The following DNAH2 variants were observed in gnomAD, a reference collection of about 807,000 sequenced individuals.
DNAH2 encodes axonemal beta dynein heavy chain 2.
DNAH2 carries 323 observed loss-of-function variants against 523.5 expected under a neutral mutation model. The ratio of observed to expected loss-of-function variants is 0.62; its 90% CI spans 0.56 to 0.68. DNAH2 has a LOEUF of 0.68. Ranked by LOEUF, DNAH2 falls within the 30% of genes least tolerant of loss-of-function variation. DNAH2 has a pLI of 0.00. For missense variants in DNAH2, 4,907 were observed against 5,701.5 expected (o/e 0.86, Z 4.49); for synonymous variants, 2,093 against 2,177.4 (o/e 0.96, Z 1.08).
In DNAH2 at chr17:7,786,262, A is replaced by G. The variant is rs750716777; in HGVS notation, c.6268A>G (p.Lys2090Glu). 75 of 1,613,942 alleles carry G rather than the reference A, an allele frequency of 4.6e-5. No individual in the cohort carries two copies. Residue 2090 changes from lysine (K) to glutamate (E), a missense_variant, in exon 40 of 86, where the codon AAG becomes GAG. Around this residue, in one of 3 missense-constraint regions of DNAH2, gnomAD observed 2,806 missense variants for 3,190.8 expected, o/e 0.88. Coordinates refer to ENST00000572933, the MANE Select transcript of DNAH2 (RefSeq NM_020877.5). The surrounding 1 kb of genome is among the most constrained non-coding windows in gnomAD (Gnocchi z 7.5). ...TMIVGCTGSG[K>E]TASWRILQAS... ...GATCGTGGGCTGCACGGGCAGCGGC[A>G]AGACTGCCTCATGGCGCATTCTACA...
Position 7,754,758 on chromosome 17 carries a change from G to C in DNAH2, c.1905-2333G>C. 1.0e-6 allele frequency: 1 copy of C among 989,862 alleles called. No homozygotes were observed. Among genetic ancestry groups the C allele is most frequent in the South Asian group, 1.3e-5 (1 of 77,430 alleles). The allele number at this position is 989,862 out of a possible 1,614,324, so 61.3% of individuals were successfully genotyped here. A position where few individuals can be genotyped will look rare whatever the true frequency, so the allele number is the denominator to read the frequency against. ...CAGGCTGTGCCGGCCCAAGGCCAAG[G>C]CCAAGGATCAAACCAAGGCCCAGGC... On this transcript the variant is annotated intron_variant, in intron 12 of 85. Coordinates refer to ENST00000572933, the MANE Select transcript of DNAH2 (RefSeq NM_020877.5). The surrounding 1 kb of genome is among the most constrained non-coding windows in gnomAD (Gnocchi z 4.6).
chr17:7,763,857 A>AGAAG lies in DNAH2; in HGVS notation c.3008_3011dup (p.Glu1005GlyfsTer27). ...TACACGGAAGTTGCTAATAACGTGC[A>AGAAG]GAAGGAGGAGACAGTCACCAACATC... On this transcript the variant is annotated frameshift_variant, in exon 19 of 86. Coordinates refer to ENST00000572933, the MANE Select transcript of DNAH2 (RefSeq NM_020877.5). LOFTEE classifies it high-confidence loss of function. 1.2e-6 allele frequency: 2 copies of AGAAG among 1,614,194 alleles called. No individual in the cohort carries two copies. The highest frequency in any genetic ancestry group is 3.3e-5 in the Admixed American group (2 of 60,014).
Position 7,723,268 on chromosome 17 carries a change from C to CTTTTTT in DNAH2, c.167-343_167-338dup, listed in dbSNP as rs58689789. Among the ~76,000 whole-genome samples, 65 of 59,908 alleles carry CTTTTTT rather than the reference C, an allele frequency of 1.1e-3. 6 individuals carry two copies. The highest frequency in any genetic ancestry group is 1.3e-3 in the Non-Finnish European group (46 of 36,366). The allele number at this position is 59,908 out of a possible 152,430, so 39.3% of individuals were successfully genotyped here. A position where few individuals can be genotyped will look rare whatever the true frequency, so the allele number is the denominator to read the frequency against. The stretch of plus-strand genomic sequence containing the variant: ...TACAGGTGTGAGCCACTGTACCCGG[C>CTTTTTT]TTTTTTTTTTTTTTTTTTTTTTGAG... On this transcript the variant is annotated intron_variant, in intron 2 of 85. Transcript: ENST00000572933.
intron 12 of DNAH2, among the ~76,000 whole-genome samples, chr17:7,747,843 C>G (rs907355560): frequency 6.6e-6 from 1 of 152,100 alleles, no homozygotes; most frequent in Non-Finnish European, 1.5e-5. Context: ...GGAAAGAACA[C>G]GATCACAGTG....
Position 7,805,231 on chromosome 17 carries a change from C to G in DNAH2, c.9301-21C>G, listed in dbSNP as rs201528392. ...TCCAGAAGGTCCTGTCTTACCCTCACTTTATCCCCTTTTCCCCCAGGCCCT... is the reference window on the plus strand; with the variant it reads ...TCCAGAAGGTCCTGTCTTACCCTCAGTTTATCCCCTTTTCCCCCAGGCCCT... On this transcript the variant is annotated intron_variant, in intron 60 of 85. Coordinates refer to ENST00000572933, the MANE Select transcript of DNAH2 (RefSeq NM_020877.5). 364 of 1,613,796 alleles carry G rather than the reference C, an allele frequency of 2.3e-4. 1 individual carries two copies. Among genetic ancestry groups the G allele is most frequent in the Non-Finnish European group, 1.2e-5 (14 of 1,179,772 alleles).
At chr17:7,816,536 C>G (rs1567746296) in intron 63 of DNAH2, 35 bp from the exon 64 acceptor site, 3 of 1,610,646 alleles carry the variant, frequency 1.9e-6, no homozygotes, top group South Asian at 1.1e-5. Context: ...GCTGCGAGCC[C>G]TGTGTTTGAT....
Position 7,757,155 on chromosome 17 carries a change from T to C in DNAH2, c.1969T>C (p.Tyr657His). The C allele has an allele frequency of 6.2e-7, 1 of 1,614,194 alleles. No homozygotes were observed. The change falls in exon 13 of 86, where the codon TAC (tyrosine) becomes CAC (histidine). Residue 657 changes from tyrosine (Y) to histidine (H), a missense_variant. By Grantham distance (83) the Tyr-to-His change is moderately conservative (BLOSUM62 2). Coordinates refer to ENST00000572933, the MANE Select transcript of DNAH2 (RefSeq NM_020877.5). ...GCGGCTGCTGTTTGAGACGCCCCAT[T>C]ACGTGGTGAACGTAGCTGAGCGAGC... is the stretch of plus-strand genomic sequence containing the variant. ...WERLLFETPHYVVNVAERAED... is the reference protein window; with the variant it reads ...WERLLFETPHHVVNVAERAED...
At chr17:7,738,823 T>G in intron 8 of DNAH2, 5 of 593,038 alleles carry the variant, frequency 8.4e-6, no homozygotes, top group Admixed American at 8.3e-5. Flanking sequence ...TTTCTCGGGG[T>G]CTGATTTTTC....
chr17:7,738,893 C>G (rs748184629), intron 8 of DNAH2: 1 of 696,650 alleles, frequency 1.4e-6, no homozygotes, highest in East Asian at 2.7e-5. Context: ...ACTGCTCTTG[C>G]CTTCCAATTC....
At chr17:7,814,396 T>C (rs1165778120) in intron 63 of DNAH2, among the ~76,000 whole-genome samples, 1 of 152,142 alleles carries the variant, frequency 6.6e-6, no homozygotes, top group Non-Finnish European at 1.5e-5. Flanking sequence ...ATGAAATATA[T>C]ATAGCAAAAT....
At chr17:7,756,944 T>C in intron 12 of DNAH2, 147 bp from the exon 13 acceptor site, 1 of 1,215,200 alleles carries the variant, frequency 8.2e-7, no homozygotes. Context: ...GTGCTGGGAT[T>C]ACAGGCGTGA....
At chr17:7,810,347 G>A (rs1162087503) in intron 63 of DNAH2, among the ~76,000 whole-genome samples, 1 of 151,998 alleles carries the variant, frequency 6.6e-6, no homozygotes, top group African/African-American at 2.4e-5. Context: ...TTACAAGGGT[G>A]AGCCACCCCA....
chr17:7,766,858 C>T (rs1190299019), intron 22 of DNAH2, among the ~76,000 whole-genome samples: 2 of 151,746 alleles, frequency 1.3e-5, no homozygotes, highest in African/African-American at 4.8e-5. Flanking sequence ...CCATATTGTC[C>T]AGACTGGTCT....
rs770086862 is a variant in DNAH2, at chr17:7,733,081, A to G, written c.400-6A>G. ...ACTGAACTCTGATCTGCTGTCTTCCATGCAGACCCAGAACCAGCTTGTCTA... is the reference window on the plus strand; with the variant it reads ...ACTGAACTCTGATCTGCTGTCTTCCGTGCAGACCCAGAACCAGCTTGTCTA... On this transcript the variant is annotated splice_polypyrimidine_tract_variant and splice_region_variant and intron_variant, in intron 4 of 85. Coordinates refer to ENST00000572933, the MANE Select transcript of DNAH2 (RefSeq NM_020877.5). 3.3e-5 allele frequency: 53 copies of G among 1,613,886 alleles called. 2 individuals are homozygous for G. The highest frequency in any genetic ancestry group is 2.5e-6 in the Non-Finnish European group (3 of 1,179,974).
Position 7,723,710 on chromosome 17 carries a change from T to C in DNAH2, c.228+21T>C, listed in dbSNP as rs746733298. 2.5e-6 allele frequency: 4 copies of C among 1,610,408 alleles called. No homozygotes were observed. The South Asian group carries it at 3.3e-5, about 13-fold the overall frequency. ...ATGTGGTAGGCTTGGGTCTTCCCTG[T>C]GGCAGATATTCCTCCCCCAAAACTG... On this transcript the variant is annotated intron_variant, in intron 3 of 85. Transcript: ENST00000572933.
chr17:7,762,960 G>A (rs2151202271), intron 18 of DNAH2, among the ~76,000 whole-genome samples: 1 of 149,110 alleles, frequency 6.7e-6, no homozygotes, highest in East Asian at 2.0e-4. Flanking sequence ...ATTCAACCCA[G>A]ATCTGTGCCA....
chr17:7,830,481 C>A lies in DNAH2; in HGVS notation c.12035C>A (p.Ser4012Tyr), dbSNP rs1391549612. The change falls in exon 78 of 86, where the codon TCC becomes TAC. Residue 4012 changes from serine (S) to tyrosine (Y), a missense_variant. This residue lies in a region of DNAH2 where 1,851 missense variants were observed against 2,139.4 expected (regional missense o/e 0.87). Transcript: ENST00000572933. ...GWNIIYGFND[S>Y]DFEVSENLLS... ...AACATCATCTATGGCTTCAATGACT[C>A]CGACTTTGAGGTTTGCATTAGCCAG... The A allele has an allele frequency of 6.2e-7, 1 of 1,614,124 alleles. No homozygotes were observed. Among genetic ancestry groups the A allele is most frequent in the African/African-American group, 1.3e-5 (1 of 75,042 alleles).
intron 77 of DNAH2, among the ~76,000 whole-genome samples, chr17:7,829,030 ATTTT>A: frequency 7.0e-6 from 1 of 143,104 alleles, no homozygotes; most frequent in South Asian, 2.2e-4. Context: ...TATTATTATT[ATTTT>A]TTTTTTTTTG....
At chr17:7,826,504 A>G (rs1056903337) in intron 77 of DNAH2, among the ~76,000 whole-genome samples, 35 of 150,600 alleles carry the variant, frequency 2.3e-4, no homozygotes, top group African/African-American at 8.1e-4. Flanking sequence ...ATAAAGGATC[A>G]TGATTCCTTG....
Sources: gnomAD v4.1 joint callset for allele counts (sites outside exome capture counted in the v4.1 genomes callset) on GRCh38, gnomAD v4.1.1 for gene constraint, gnomAD v4.1.1 regional missense constraint, Gnocchi (gnomAD v3.1) non-coding constraint, MANE v1.5 for transcripts, NCBI Gene and HGNC (gene_info 2026-07-23, HGNC 2026-07-21) for gene names.